SYNDIG1: variants seen among roughly 807,000 people sequenced by gnomAD.
The protein encoded by SYNDIG1 is synapse differentiation inducing 1.
SYNDIG1 carries 9 observed loss-of-function variants against 19.4 expected under a neutral mutation model. That is an observed-to-expected ratio of 0.46 (90% confidence interval 0.28 to 0.81). SYNDIG1 has a LOEUF of 0.81. Among genes scored for constraint, SYNDIG1 ranks in the 30% least tolerant of loss-of-function variants. SYNDIG1 has a pLI of 0.12. For missense variants in SYNDIG1, 311 were observed against 343.3 expected, an observed-to-expected ratio of 0.91 and a Z score of 0.74; for synonymous variants, 141 against 145.9, an observed-to-expected ratio of 0.97 and a Z score of 0.24.
intron 3 of SYNDIG1, among the ~76,000 whole-genome samples, chr20:24,600,002 A>G (rs1357543221): frequency 6.6e-6 from 1 of 152,236 alleles, no homozygotes. Context: ...ATCACTACAC[A>G]TTATATACAT....
chr20:24,486,657 TA>T (rs199901369), intron 1 of SYNDIG1, among the ~76,000 whole-genome samples: 39 of 150,286 alleles, frequency 2.6e-4, no homozygotes, highest in African/African-American at 9.2e-4. Flanking sequence ...TTTATTTATT[TA>T]ATTTTTTTTT....
At chr20:24,512,371 A>G (rs1161375707) in intron 1 of SYNDIG1, among the ~76,000 whole-genome samples, 1 of 151,556 alleles carries the variant, frequency 6.6e-6, no homozygotes, top group East Asian at 1.9e-4. Context: ...ACAGGGGGTC[A>G]GGGAATTCCC....
intron 2 of SYNDIG1, among the ~76,000 whole-genome samples, chr20:24,548,266 A>C (rs1308985236): frequency 6.6e-6 from 1 of 152,140 alleles, no homozygotes; most frequent in Non-Finnish European, 1.5e-5. Context: ...TTCTTTCTAC[A>C]TTAGGGGGAA....
At chr20:24,551,384 G>T (rs1319995657) in intron 2 of SYNDIG1, among the ~76,000 whole-genome samples, 2 of 151,676 alleles carry the variant, frequency 1.3e-5, no homozygotes, top group Non-Finnish European at 2.9e-5. Flanking sequence ...TTTCTTTCTT[G>T]GTCAGTCTAG....
chr20:24,499,016 TTTTGTTTG>T (rs145903809), intron 1 of SYNDIG1, among the ~76,000 whole-genome samples: 2 of 151,984 alleles, frequency 1.3e-5, no homozygotes, highest in South Asian at 4.1e-4. Context: ...GTTTCTCCTG[TTTTGTTTG>T]TTTGTTTGTT....
At chr20:24,513,136 C>T (rs6106896) in intron 1 of SYNDIG1, among the ~76,000 whole-genome samples, 1,953 of 152,256 alleles carry the variant, frequency 0.013, 43 homozygotes, top group African/African-American at 0.044. Flanking sequence ...ATATCACCAT[C>T]ATCAAAGAAC....
intron 3 of SYNDIG1, among the ~76,000 whole-genome samples, chr20:24,627,102 A>G (rs1406019279): frequency 3.6e-5 from 5 of 140,802 alleles, no homozygotes; most frequent in Admixed American, 1.4e-4. Context: ...GGAGAGGGGG[A>G]CCGTGGGGAG....
At chr20:24,604,043 C>T (rs1484881969) in intron 3 of SYNDIG1, among the ~76,000 whole-genome samples, 3 of 152,226 alleles carry the variant, frequency 2.0e-5, no homozygotes, top group Admixed American at 2.0e-4. Flanking sequence ...ATTTATCTTA[C>T]CAAAACAAAC....
chr20:24,619,265 A>G (rs1415020072), intron 3 of SYNDIG1, among the ~76,000 whole-genome samples: 2 of 152,232 alleles, frequency 1.3e-5, no homozygotes, highest in Non-Finnish European at 2.9e-5. Flanking sequence ...GTGCATAACA[A>G]GGATCTGGAC....
At position 24,512,487 on chromosome 20, in the gene SYNDIG1, A is replaced by T. The variant is rs533836284; in HGVS notation, c.-78-30533A>T. 9.3e-4 allele frequency among the ~76,000 whole-genome samples: 141 copies of T among 152,000 alleles called. 1 individual carries two copies. Among genetic ancestry groups the T allele is most frequent in the African/African-American group, 3.2e-3 (134 of 41,462 alleles). ...GTCTTAGCAAACGGCACACCAAGAG[A>T]TTATATCTCGTGCCTGGCTCCGAGG... On this transcript the variant is annotated intron_variant, in intron 1 of 3. Transcript: ENST00000376862.
chr20:24,500,306 A>G (rs1255410232), intron 1 of SYNDIG1, among the ~76,000 whole-genome samples: 1 of 152,212 alleles, frequency 6.6e-6, no homozygotes, highest in Non-Finnish European at 1.5e-5. Context: ...AAATGGCAGA[A>G]AAAATAGAAA....
chr20:24,544,728 G>A (rs2057540252), intron 2 of SYNDIG1, among the ~76,000 whole-genome samples: 1 of 152,180 alleles, frequency 6.6e-6, no homozygotes, highest in Admixed American at 6.5e-5. Flanking sequence ...GTTCGTGTTG[G>A]CTGAGCATCA....
chr20:24,552,189 T>C (rs1287732260), intron 2 of SYNDIG1, among the ~76,000 whole-genome samples: 2 of 152,210 alleles, frequency 1.3e-5, no homozygotes, highest in Non-Finnish European at 2.9e-5. Flanking sequence ...GCTGAACTGT[T>C]GGCCATTTTA....
rs534957982 is a variant in SYNDIG1, at chr20:24,632,909, A to T, written c.619-32437A>T. ...ACAGAACTTGAAATGAACTTATTTTATGAAGGCTCTGGAGGGTACTGCCAT... is the reference window on the plus strand; with the variant it reads ...ACAGAACTTGAAATGAACTTATTTTTTGAAGGCTCTGGAGGGTACTGCCAT... On this transcript the variant is annotated intron_variant, in intron 3 of 3. Coordinates refer to ENST00000376862, the MANE Select transcript of SYNDIG1 (RefSeq NM_024893.3). Among the ~76,000 whole-genome samples the T allele has an allele frequency of 1.5e-4, 23 of 151,000 alleles. No homozygotes were observed. The East Asian group carries it at 4.3e-3, about 28-fold the overall frequency.
Position 24,513,808 on chromosome 20 carries a change from C to T in SYNDIG1, c.-78-29212C>T, listed in dbSNP as rs559353766. Among the ~76,000 whole-genome samples, 165 of 152,214 alleles carry T rather than the reference C, an allele frequency of 1.1e-3. 2 individuals are homozygous for T. The highest frequency in any genetic ancestry group is 3.7e-3 in the African/African-American group (153 of 41,512). ...AGATACTCCTCAAAAAGAGCAACTC[C>T]AAGACATGTAATTGTCAGATTCACC... On this transcript the variant is annotated intron_variant, in intron 1 of 3. Transcript: ENST00000376862.
intron 1 of SYNDIG1, among the ~76,000 whole-genome samples, chr20:24,508,424 TCAC>T (rs1448824726): frequency 2.0e-4 from 10 of 50,302 alleles, no homozygotes; most frequent in Non-Finnish European, 3.4e-4. Context: ...AGACGGAGTT[TCAC>T]CATGTTGGCC....
chr20:24,567,466 C>T (rs2146920182), intron 2 of SYNDIG1, among the ~76,000 whole-genome samples: 1 of 152,308 alleles, frequency 6.6e-6, no homozygotes, highest in South Asian at 2.1e-4. Context: ...AGCATCTCCA[C>T]TCTCCCCAGG....
intron 2 of SYNDIG1, among the ~76,000 whole-genome samples, chr20:24,574,188 G>A (rs1036403002): frequency 3.9e-5 from 6 of 152,022 alleles, no homozygotes; most frequent in South Asian, 2.1e-4. Flanking sequence ...TCAAGAATGC[G>A]TTTGTTAGGC....
chr20:24,470,608 G>GC (rs2055406471), intron 1 of SYNDIG1, among the ~76,000 whole-genome samples: 1 of 152,200 alleles, frequency 6.6e-6, no homozygotes, highest in Non-Finnish European at 1.5e-5. Context: ...ATGGCTCACT[G>GC]GATGAGTTGG....
Sources: allele counts gnomAD v4.1 joint callset (sites outside exome capture counted in the v4.1 genomes callset), GRCh38; gene constraint gnomAD v4.1.1; transcripts MANE v1.5; gene names NCBI Gene and HGNC (gene_info 2026-07-23, HGNC 2026-07-21).